The following DMRT1 variants were observed in gnomAD, a reference collection of about 807,000 sequenced individuals.
DMRT1 encodes doublesex and mab-3 related transcription factor 1.
DMRT1 carries 7 observed loss-of-function variants against 32.3 expected under a neutral mutation model. The ratio of observed to expected loss-of-function variants is 0.22; its 90% CI spans 0.12 to 0.41. The LOEUF (loss-of-function observed/expected upper bound fraction) is 0.41, where lower values mean the gene tolerates loss of function less well. Ranked by LOEUF, DMRT1 falls within the 10% of genes least tolerant of loss-of-function variation. The pLI, the probability that DMRT1 is intolerant of heterozygous loss-of-function variation, is 1.00. For synonymous variants in DMRT1, 278 were observed against 206.1 expected (o/e 1.35, Z -2.99); for missense variants, 625 against 500.5 (o/e 1.25, Z -2.37).
At chr9:907,295 C>T (rs528261147) in intron 3 of DMRT1, among the ~76,000 whole-genome samples, 1 of 152,248 alleles carries the variant, frequency 6.6e-6, no homozygotes, top group East Asian at 1.9e-4. Flanking sequence ...ATGGTACTTG[C>T]ATTTATGCCT....
intron 1 of DMRT1, among the ~76,000 whole-genome samples, chr9:843,484 G>A (rs6477293): frequency 0.2 from 31,135 of 152,214 alleles, 3,723 homozygotes; most frequent in East Asian, 0.43. Context: ...GAATTTTAAA[G>A]AATATGCGCA....
At chr9:892,883 C>G (rs1309482526) in intron 2 of DMRT1, among the ~76,000 whole-genome samples, 1 of 152,220 alleles carries the variant, frequency 6.6e-6, no homozygotes, top group Admixed American at 6.5e-5. Context: ...CCCCACTTTC[C>G]TGCTTCCACT....
In DMRT1 at chr9:894,182, G is replaced by C; in HGVS notation, c.809G>C (p.Gly270Ala). 6.2e-7 allele frequency: 1 copy of C among 1,613,528 alleles called. No homozygotes were observed. Among genetic ancestry groups the C allele is most frequent in the South Asian group, 1.1e-5 (1 of 91,056 alleles). The change falls in exon 3 of 5, where the codon GGA becomes GCA. Residue 270 changes from glycine to alanine, a missense_variant. Physicochemically the swap from Gly to Ala is moderately conservative, Grantham distance 60. Transcript: ENST00000382276. Reference sequence around the variant, plus strand: ...GGACCTTATGTGCCTGGTCAGACAGGAAACCAGTGGCAGGTATGATATTAA... The same window carrying C: ...GGACCTTATGTGCCTGGTCAGACAGCAAACCAGTGGCAGGTATGATATTAA... Reference protein sequence around the residue: ...LPGPYVPGQTGNQWQMKNMEN... With the variant: ...LPGPYVPGQTANQWQMKNMEN...
intron 4 of DMRT1, among the ~76,000 whole-genome samples, chr9:962,323 T>C (rs1241684870): frequency 1.3e-5 from 2 of 152,028 alleles, no homozygotes; most frequent in African/African-American, 4.8e-5. Flanking sequence ...GTCTGGAGCA[T>C]CACCATTGCT....
chr9:955,458 A>G (rs922198319), intron 4 of DMRT1, among the ~76,000 whole-genome samples: 1 of 152,224 alleles, frequency 6.6e-6, no homozygotes, highest in African/African-American at 2.4e-5. Flanking sequence ...TAATCCCAGC[A>G]CTTTGGGAGG....
intron 4 of DMRT1, among the ~76,000 whole-genome samples, chr9:928,991 C>G (rs536048365): frequency 1.3e-5 from 2 of 152,044 alleles, no homozygotes; most frequent in African/African-American, 4.8e-5. Context: ...GTGCATGCTA[C>G]CAAGCCTGGC....
intron 2 of DMRT1, among the ~76,000 whole-genome samples, chr9:859,984 C>T (rs1405022954): frequency 6.6e-6 from 1 of 152,120 alleles, no homozygotes; most frequent in East Asian, 1.9e-4. Context: ...TAACTCTAGT[C>T]CTGAGGTTTT....
intron 2 of DMRT1, among the ~76,000 whole-genome samples, chr9:879,460 G>A (rs1816644071): frequency 6.6e-6 from 1 of 152,132 alleles, no homozygotes; most frequent in African/African-American, 2.4e-5. Flanking sequence ...TAGGATGTAG[G>A]TGGGTTTGCA....
chr9:902,688 C>T (rs1015532006), intron 3 of DMRT1, among the ~76,000 whole-genome samples: 8 of 151,828 alleles, frequency 5.3e-5, no homozygotes, highest in African/African-American at 1.5e-4. Flanking sequence ...AGGGTTTCGC[C>T]ATGTTGGCCA....
At chr9:848,523 A>G (rs1222142373) in intron 2 of DMRT1, among the ~76,000 whole-genome samples, 1 of 148,760 alleles carries the variant, frequency 6.7e-6, no homozygotes, top group East Asian at 2.0e-4. Context: ...GTATGTCCTT[A>G]TAATAGTTTC....
At chr9:926,686 G>GGAGAGAGAGA (rs767345718) in intron 4 of DMRT1, among the ~76,000 whole-genome samples, 2 of 149,094 alleles carry the variant, frequency 1.3e-5, no homozygotes, top group Non-Finnish European at 3.0e-5. Context: ...GAAGACACAG[G>GGAGAGAGAGA]TAGAGAGAGA....
rs761639194 is a variant in DMRT1 at position 842,048 on chromosome 9, C to A, written c.210C>A (p.Ser70=). 6.5e-7 allele frequency: 1 copy of A among 1,545,162 alleles called. No homozygotes were observed. The highest frequency in any genetic ancestry group is 8.7e-7 in the Non-Finnish European group (1 of 1,148,450). ...ACCTGGGTGCCGGGAGCAAGAAGTC[C>A]CCGCGGCTGCCCAAGTGCGCACGCT... ...ASDLGAGSKK[S]PRLPKCARCR... Residue 70 remains serine, a synonymous_variant, in exon 1 of 5, where the codon TCC becomes TCA. Coordinates refer to ENST00000382276, the MANE Select transcript of DMRT1 (RefSeq NM_021951.3).
chr9:868,008 G>A (rs545126946), intron 2 of DMRT1, among the ~76,000 whole-genome samples: 2 of 152,226 alleles, frequency 1.3e-5, no homozygotes, highest in Non-Finnish European at 1.5e-5. Context: ...TTGAGACAGG[G>A]TCTCTATCGC....
intron 4 of DMRT1, among the ~76,000 whole-genome samples, chr9:954,380 GCT>G (rs1586660694): frequency 3.9e-5 from 6 of 152,054 alleles, no homozygotes; most frequent in Admixed American, 2.0e-4. Context: ...TTTAGATGAG[GCT>G]GTGGTAGGAT....
rs1564282900 is a variant in DMRT1, at chr9:968,315, C to T, written c.*176C>T. 4.3e-6 allele frequency: 3 copies of T among 698,642 alleles called. No individual in the cohort carries two copies. The highest frequency in any genetic ancestry group is 3.7e-5 in the South Asian group (2 of 54,278). 43.3% of individuals were successfully genotyped at this position (698,642 alleles called of 1,614,324 possible). On this transcript the variant is annotated 3_prime_UTR_variant, in exon 5 of 5. Transcript: ENST00000382276. The stretch of plus-strand genomic sequence containing the variant: ...AACACATTTGTAATACTTTAGGGTC[C>T]GTGACTACCATCTGCATGGTTTAAG...
intron 3 of DMRT1, 26 bp downstream of exon 3, chr9:894,221 G>C: frequency 1.2e-6 from 2 of 1,611,638 alleles, no homozygotes; most frequent in Non-Finnish European, 1.7e-6. Context: ...CCCAGAGAGT[G>C]AACTGGTTGT....
intron 2 of DMRT1, among the ~76,000 whole-genome samples, chr9:871,499 A>AC (rs1816253324): frequency 8.7e-6 from 1 of 115,094 alleles, no homozygotes; most frequent in African/African-American, 3.4e-5. Flanking sequence ...CGCCCGGCTA[A>AC]TTTTTTTTTT....
At chr9:944,107 A>C (rs984960454) in intron 4 of DMRT1, among the ~76,000 whole-genome samples, 8 of 152,176 alleles carry the variant, frequency 5.3e-5, no homozygotes, top group African/African-American at 1.9e-4. Context: ...TGTAAGTTGG[A>C]GGTGATAGGA....
chr9:932,747 T>A (rs1818765030), intron 4 of DMRT1, among the ~76,000 whole-genome samples: 1 of 152,172 alleles, frequency 6.6e-6, no homozygotes, highest in South Asian at 2.1e-4. Context: ...TAGGGGTTCC[T>A]ACAATCCCCC....
Sources: gnomAD v4.1 joint callset for allele counts (sites outside exome capture counted in the v4.1 genomes callset) on GRCh38, gnomAD v4.1.1 for gene constraint, MANE v1.5 for transcripts, NCBI Gene and HGNC (gene_info 2026-07-23, HGNC 2026-07-21) for gene names.